The following MICAL2 variants were observed in gnomAD, a reference collection of about 807,000 sequenced individuals.
MICAL2 encodes the protein microtubule associated monooxygenase, calponin and LIM domain containing 2, also known as [F-actin]-monooxygenase MICAL2.
In MICAL2, 77 loss-of-function variants were observed where a neutral mutation model predicts 127.3. The ratio of observed to expected loss-of-function variants is 0.60; its 90% CI spans 0.50 to 0.73. The LOEUF is 0.73. Ranked by LOEUF, MICAL2 falls within the 30% of genes least tolerant of loss-of-function variation. MICAL2 has a pLI of 0.00. For missense variants in MICAL2, 1,351 were observed against 1,434.4 expected, an observed-to-expected ratio of 0.94 and a Z score of 0.94; for synonymous variants, 570 against 551.1, an observed-to-expected ratio of 1.03 and a Z score of -0.48.
At chr11:12,251,577 T>TAAA (rs536942703) in intron 22 of MICAL2, among the ~76,000 whole-genome samples, 9 of 93,830 alleles carry the variant, frequency 9.6e-5, no homozygotes, top group African/African-American at 3.3e-4. Context: ...CATTTCACTT[T>TAAA]AAAAAAAAAA....
At chr11:12,321,402 C>A (rs540725539) in intron 30 of MICAL2, among the ~76,000 whole-genome samples, 150 of 152,272 alleles carry the variant, frequency 9.9e-4, no homozygotes, top group South Asian at 2.7e-3. Context: ...CTCAAATGAA[C>A]CTTTGCACAG....
intron 3 of MICAL2, among the ~76,000 whole-genome samples, chr11:12,201,023 C>A (rs917672715): frequency 8.5e-5 from 13 of 152,234 alleles, no homozygotes; most frequent in African/African-American, 3.1e-4. Flanking sequence ...TCACCAGTGT[C>A]GGGGCTTGGA....
At chr11:12,312,695 G>T (rs747459216) in intron 29 of MICAL2, among the ~76,000 whole-genome samples, 2 of 152,060 alleles carry the variant, frequency 1.3e-5, no homozygotes, top group Non-Finnish European at 2.9e-5. Flanking sequence ...TTATGCTTAG[G>T]TTCAACAAAA....
At chr11:12,138,527 A>G (rs139035780) in intron 2 of MICAL2, 67 bp downstream of exon 2, 3 of 152,200 alleles carry the variant, frequency 2.0e-5, no homozygotes, top group African/African-American at 4.8e-5. Context: ...TCCTAGGCTT[A>G]GGAAAGTGTG....
chr11:12,337,196 CGAG>C (rs1023284985), intron 32 of MICAL2, among the ~76,000 whole-genome samples: 7 of 152,090 alleles, frequency 4.6e-5, no homozygotes, highest in Non-Finnish European at 1.0e-4. Flanking sequence ...GTGTATGTGT[CGAG>C]GAATTTATCC....
In MICAL2 at chr11:12,258,801, G is replaced by A. The variant is rs545726826; in HGVS notation, c.3231+245G>A. Among the ~76,000 whole-genome samples the A allele has an allele frequency of 5.9e-5, 9 of 152,350 alleles. No homozygotes were observed. The South Asian group carries it at 1.9e-3, about 32-fold the overall frequency. On this transcript the variant is annotated intron_variant, in intron 25 of 27. Coordinates refer to ENST00000683283, the MANE Select transcript of MICAL2 (RefSeq NM_001282663.2). ...TAGCCATGCTGGCTTCTCATAAGAA[G>A]CCTGGAAGAGCTTGCCCATGTGGCA...
intron 3 of MICAL2, among the ~76,000 whole-genome samples, chr11:12,186,105 G>A (rs1337918898): frequency 6.6e-6 from 1 of 152,210 alleles, no homozygotes; most frequent in Non-Finnish European, 1.5e-5. Flanking sequence ...TTCCGTTACA[G>A]GATTAACTGG....
intron 3 of MICAL2, among the ~76,000 whole-genome samples, chr11:12,178,531 T>C (rs1228228636): frequency 6.6e-6 from 1 of 152,022 alleles, no homozygotes; most frequent in African/African-American, 2.4e-5. Flanking sequence ...GATTGGCAAT[T>C]GGTTGAAAGA....
intron 1 of MICAL2, among the ~76,000 whole-genome samples, chr11:12,112,965 G>T (rs971429432): frequency 1.6e-4 from 24 of 151,840 alleles, no homozygotes; most frequent in African/African-American, 5.8e-4. Flanking sequence ...CCATGGGCCT[G>T]CCCCCTTTGC....
intron 29 of MICAL2, among the ~76,000 whole-genome samples, chr11:12,314,805 T>A (rs970891071): frequency 3.3e-5 from 5 of 151,978 alleles, no homozygotes; most frequent in Admixed American, 2.0e-4. Context: ...TAAACTCCAT[T>A]TATCTTCTTT....
At position 12,224,741 on chromosome 11, in the gene MICAL2, A is replaced by G; in HGVS notation, c.1609A>G (p.Asn537Asp). The G allele has an allele frequency of 6.2e-7, 1 of 1,614,130 alleles. No homozygotes were observed. Among genetic ancestry groups the G allele is most frequent in the Middle Eastern group, 1.6e-4 (1 of 6,062 alleles). The part of the protein sequence containing the change: ...QQQTEGYQHV[N>D]VTDLTTSWRS... Reference sequence around the variant, plus strand: ...GCAGACAGAGGGCTACCAGCATGTCAACGTCACCGACCTGACCACATCCTG... The same window carrying G: ...GCAGACAGAGGGCTACCAGCATGTCGACGTCACCGACCTGACCACATCCTG... Residue 537 changes from asparagine to aspartate, a missense_variant, in exon 13 of 28, where the codon AAC (asparagine) becomes GAC (aspartate). By Grantham distance (23) the Asn-to-Asp change is conservative. Around this residue, in one of 2 missense-constraint regions of MICAL2, gnomAD observed 599 missense variants for 714.9 expected, o/e 0.84. Coordinates refer to ENST00000683283, the MANE Select transcript of MICAL2 (RefSeq NM_001282663.2).
chr11:12,190,266 A>G (rs1432414976), intron 3 of MICAL2, among the ~76,000 whole-genome samples: 1 of 152,180 alleles, frequency 6.6e-6, no homozygotes, highest in Non-Finnish European at 1.5e-5. Flanking sequence ...TTCTTCTGCA[A>G]ACACCCTGGG....
Position 12,242,229 on chromosome 11 carries a change from G to A in MICAL2, c.2353G>A (p.Val785Met), listed in dbSNP as rs537022614. The A allele has an allele frequency of 5.0e-6, 8 of 1,607,516 alleles. No individual in the cohort carries two copies. In the African/African-American group the frequency reaches 5.3e-5, roughly 11 times the overall value. ...TCTTTCCCAGTTCCCCTCTGTGGTC[G>A]TGACGGGGCACGTGCTCAGAGAGCT... ...PLKRQFPSVV[V>M]TGHVLRELKQ... Residue 785 changes from valine to methionine, a missense_variant, in exon 19 of 28, where the codon GTG becomes ATG. Val to Met is a conservative substitution (Grantham distance 21). Transcript: ENST00000683283.
intron 1 of MICAL2, among the ~76,000 whole-genome samples, chr11:12,129,874 A>G (rs565578152): frequency 6.6e-6 from 1 of 151,062 alleles, no homozygotes; most frequent in East Asian, 2.0e-4. Context: ...TGCCTGGCTA[A>G]TTTTTTCTTT....
chr11:12,279,513 C>T (rs1320822277), intron 1 of MICAL2, among the ~76,000 whole-genome samples: 1 of 152,182 alleles, frequency 6.6e-6, no homozygotes, highest in Non-Finnish European at 1.5e-5. Flanking sequence ...TCTTCTAAGC[C>T]TCCACGTAGG....
intron 1 of MICAL2, among the ~76,000 whole-genome samples, chr11:12,119,649 G>A (rs867327043): frequency 7.2e-5 from 11 of 152,300 alleles, no homozygotes; most frequent in Middle Eastern, 3.4e-3. Flanking sequence ...CTCATAGGCC[G>A]CCTGCGGATT....
At chr11:12,231,875 A>T (rs1858327760) in intron 15 of MICAL2, among the ~76,000 whole-genome samples, 1 of 152,210 alleles carries the variant, frequency 6.6e-6, no homozygotes, top group Admixed American at 6.5e-5. Context: ...TCCTTTCCTC[A>T]GCGCAATCTC....
chr11:12,224,922 G>A, intron 13 of MICAL2, 102 bp downstream of exon 13: 1 of 1,383,246 alleles, frequency 7.2e-7, no homozygotes, highest in Non-Finnish European at 9.9e-7. Flanking sequence ...CTCTTTCTGT[G>A]TTTCAATTTG....
chr11:12,149,244 G>A (rs1853306696), intron 2 of MICAL2, among the ~76,000 whole-genome samples: 1 of 152,256 alleles, frequency 6.6e-6, no homozygotes, highest in African/African-American at 2.4e-5. Flanking sequence ...AGTATGAGGG[G>A]GCGGGGAAGT....
Sources: gnomAD v4.1 joint callset for allele counts (sites outside exome capture counted in the v4.1 genomes callset) on GRCh38, gnomAD v4.1.1 for gene constraint, gnomAD v4.1.1 regional missense constraint, MANE v1.5 for transcripts, NCBI Gene and HGNC (gene_info 2026-07-23, HGNC 2026-07-21) for gene names.